Variants in FBN2 observed in about 807,000 individuals in gnomAD.
FBN2 encodes fibrillin-2.
In FBN2, 105 loss-of-function variants were observed where a neutral mutation model predicts 355.6. The observed-to-expected ratio is 0.30, with a 90% CI of 0.25 to 0.35. The LOEUF is 0.35. Among genes scored for constraint, FBN2 ranks in the 10% least tolerant of loss-of-function variants. The probability of loss-of-function intolerance (pLI) is 1.00; values close to 1 mark genes in which losing one functional copy is unlikely to be tolerated. For missense variants in FBN2, 3,280 were observed against 3,758.7 expected (o/e 0.87, Z 3.33); for synonymous variants, 1,350 against 1,301.2 (o/e 1.04, Z -0.81).
chr5:128,379,364 A>G (rs969607388), intron 11 of FBN2, among the ~76,000 whole-genome samples: 2 of 152,140 alleles, frequency 1.3e-5, no homozygotes, highest in African/African-American at 4.8e-5. Context: ...TGTCTTTGGT[A>G]TAACTTTTTT....
At chr5:128,498,325 G>A (rs1244942113) in intron 5 of FBN2, among the ~76,000 whole-genome samples, 2 of 152,174 alleles carry the variant, frequency 1.3e-5, no homozygotes, top group Non-Finnish European at 2.9e-5. Flanking sequence ...CCAGTCACGG[G>A]ATAATTAATG....
chr5:128,448,906 G>A (rs1038885117), intron 6 of FBN2, among the ~76,000 whole-genome samples: 3 of 151,766 alleles, frequency 2.0e-5, no homozygotes, highest in African/African-American at 7.3e-5. Context: ...CCTTTAAATT[G>A]TCTATTAATT....
Position 128,307,625 on chromosome 5 carries a change from A to AG in FBN2, c.5354-423dup, listed in dbSNP as rs1470768945. Among the ~76,000 whole-genome samples the AG allele has an allele frequency of 2.6e-5, 4 of 152,120 alleles. No individual in the cohort carries two copies. The East Asian group carries it at 7.7e-4, about 29-fold the overall frequency. On this transcript the variant is annotated intron_variant, in intron 41 of 64. Transcript: ENST00000262464. ...TAGACATGCAAAAATAATGTTGTAG[A>AG]GGGGAAATAGGTAAACAATGTATAA...
chr5:128,315,399 G>C (rs1361146269), intron 36 of FBN2, among the ~76,000 whole-genome samples: 1 of 152,048 alleles, frequency 6.6e-6, no homozygotes, highest in African/African-American at 2.4e-5. Flanking sequence ...ACCGATTCCA[G>C]GTTTCAAACA....
At chr5:128,495,036 C>T (rs560066891) in intron 5 of FBN2, among the ~76,000 whole-genome samples, 2 of 152,038 alleles carry the variant, frequency 1.3e-5, no homozygotes, top group South Asian at 4.2e-4. Flanking sequence ...GGAAGCCATG[C>T]TGAAAAAACA....
intron 31 of FBN2, among the ~76,000 whole-genome samples, chr5:128,333,876 C>A (rs986187715): frequency 6.8e-6 from 1 of 147,138 alleles, no homozygotes; most frequent in Non-Finnish European, 1.5e-5. Context: ...CACACACACA[C>A]TACTGGCTTC....
rs1357250229 is a variant in FBN2 at position 128,374,689 on chromosome 5, C to A, written c.2034G>T (p.Gly678=). The A allele has an allele frequency of 6.2e-7, 1 of 1,613,950 alleles. No individual in the cohort carries two copies. Among genetic ancestry groups the A allele is most frequent in the Non-Finnish European group, 8.5e-7 (1 of 1,179,926 alleles). ...CTGGGGGACAGTCACAGCGGAAGGA[C>A]CCTTCACTGTTGATGCAGTGCCCAT... ...CMNGHCINSE[G]SFRCDCPPGL... is the part of the protein sequence containing the mutation. Residue 678 remains glycine, a synonymous_variant, in exon 15 of 65, where the codon GGG becomes GGT. Transcript: ENST00000262464.
Position 128,280,080 on chromosome 5 carries a change from A to G in FBN2, c.7138+112T>C, listed in dbSNP as rs1765494330. On this transcript the variant is annotated intron_variant, in intron 56 of 64. Coordinates refer to ENST00000262464, the MANE Select transcript of FBN2 (RefSeq NM_001999.4). ...TTAAGAAGAAGCATGTGGATTATTGAGATTGGGGGATTTGTTTAGCAGACA... is the reference window on the plus strand; with the variant it reads ...TTAAGAAGAAGCATGTGGATTATTGGGATTGGGGGATTTGTTTAGCAGACA... 5.9e-6 allele frequency: 5 copies of G among 846,506 alleles called. No individual in the cohort carries two copies. In the South Asian group the frequency reaches 7.0e-5, roughly 12 times the overall value. 52.4% of individuals were successfully genotyped at this position (846,506 alleles called of 1,614,324 possible).
chr5:128,290,478 T>C (rs1394744352), intron 50 of FBN2, among the ~76,000 whole-genome samples: 4 of 152,202 alleles, frequency 2.6e-5, no homozygotes, highest in African/African-American at 9.7e-5. Flanking sequence ...AAATTCGTAC[T>C]TTTGAAAGCA....
At chr5:128,520,226 C>T (rs753781165) in intron 4 of FBN2, among the ~76,000 whole-genome samples, 1 of 152,116 alleles carries the variant, frequency 6.6e-6, no homozygotes, top group East Asian at 1.9e-4. Context: ...ACTGAACTGC[C>T]GTGCACTGCA....
At chr5:128,286,100 T>C (rs1366292542) in intron 55 of FBN2, among the ~76,000 whole-genome samples, 1 of 152,182 alleles carries the variant, frequency 6.6e-6, no homozygotes, top group East Asian at 1.9e-4. Context: ...GGATAACAGA[T>C]CTTGGAAGAA....
At chr5:128,328,266 A>G (rs1451429725) in intron 34 of FBN2, 2 of 335,940 alleles carry the variant, frequency 6.0e-6, no homozygotes, top group African/African-American at 4.3e-5. Flanking sequence ...TTCCATTCCC[A>G]GACATACAGA....
chr5:128,378,025 T>TTTTG (rs1752129828), intron 12 of FBN2, 148 bp from the exon 13 acceptor site: 2 of 791,320 alleles, frequency 2.5e-6, no homozygotes, highest in Non-Finnish European at 4.0e-6. Flanking sequence ...TTTTTTTTTT[T>TTTTG]GGATAGGTAG....
chr5:128,395,070 C>T, intron 9 of FBN2, 52 bp downstream of exon 9: 2 of 1,603,488 alleles, frequency 1.2e-6, no homozygotes, highest in Non-Finnish European at 1.7e-6. Context: ...AGTACTGCTA[C>T]TAATTTTCCT....
At chr5:128,489,318 A>C (rs1755438517) in intron 5 of FBN2, among the ~76,000 whole-genome samples, 1 of 152,190 alleles carries the variant, frequency 6.6e-6, no homozygotes, top group Admixed American at 6.5e-5. Flanking sequence ...TGGATTCCTA[A>C]CCATTAAGAA....
chr5:128,364,315 A>T (rs1751713207), intron 18 of FBN2, among the ~76,000 whole-genome samples: 1 of 152,178 alleles, frequency 6.6e-6, no homozygotes, highest in South Asian at 2.1e-4. Flanking sequence ...AATTCTTCGT[A>T]AAAAATTACA....
chr5:128,311,425 T>G lies in FBN2; in HGVS notation c.4949A>C (p.Asp1650Ala). Residue 1650 changes from aspartate to alanine, a missense_variant and splice_region_variant, in exon 39 of 65, where the codon GAC becomes GCC. By Grantham distance (126) the Asp-to-Ala change is moderately radical. This residue lies in a region of FBN2 where 2,284 missense variants were observed against 2,749.5 expected (regional missense o/e 0.83). Transcript: ENST00000262464. ...RPNPITIILE[D>A]IDECQELPGL... The stretch of plus-strand genomic sequence containing the variant: ...TGGTAACTCCTGGCATTCGTCAATG[T>G]CTACAAAAAGGGAGACAGTGCACTT... The G allele has an allele frequency of 6.2e-7, 1 of 1,614,030 alleles. No individual in the cohort carries two copies. The highest frequency in any genetic ancestry group is 8.5e-7 in the Non-Finnish European group (1 of 1,179,956).
At chr5:128,488,808 T>C (rs996213870) in intron 5 of FBN2, among the ~76,000 whole-genome samples, 16 of 152,082 alleles carry the variant, frequency 1.1e-4, no homozygotes, top group Middle Eastern at 3.4e-3. Flanking sequence ...ATTTCATCCA[T>C]GTCCCTACAA....
intron 25 of FBN2, 75 bp from the exon 26 acceptor site, chr5:128,339,136 G>T: frequency 1.3e-6 from 2 of 1,511,844 alleles, no homozygotes; most frequent in Non-Finnish European, 1.8e-6. Context: ...GGTGCTGCAT[G>T]CTTGAAAAGT....
Sources: gnomAD v4.1 joint callset for allele counts (sites outside exome capture counted in the v4.1 genomes callset) on GRCh38, gnomAD v4.1.1 for gene constraint, gnomAD v4.1.1 regional missense constraint, MANE v1.5 for transcripts, NCBI Gene and HGNC (gene_info 2026-07-23, HGNC 2026-07-21) for gene names.